ARHGAP15: variants seen among roughly 807,000 people sequenced by gnomAD.
The protein encoded by ARHGAP15 is Rho GTPase activating protein 15, also known as rho GTPase-activating protein 15.
In ARHGAP15, 51 loss-of-function variants were observed where a neutral mutation model predicts 63.7. The ratio of observed to expected loss-of-function variants is 0.80; its 90% CI spans 0.64 to 1.01. The LOEUF (loss-of-function observed/expected upper bound fraction) is 1.01. Among genes scored for constraint, ARHGAP15 ranks in the 50% least tolerant of loss-of-function variants. The pLI, the probability that ARHGAP15 is intolerant of heterozygous loss-of-function variation, is 0.00. For missense variants in ARHGAP15, 560 were observed against 564.6 expected (o/e 0.99, Z 0.08); for synonymous variants, 191 against 193.8 (o/e 0.99, Z 0.12).
intron 6 of ARHGAP15, among the ~76,000 whole-genome samples, chr2:143,405,065 A>C (rs1304204678): frequency 6.6e-6 from 1 of 151,922 alleles, no homozygotes; most frequent in Non-Finnish European, 1.5e-5. Context: ...TGAAAATAAT[A>C]GGTGAAAAAT....
At chr2:143,730,327 G>A (rs1056060079) in intron 13 of ARHGAP15, among the ~76,000 whole-genome samples, 13 of 152,140 alleles carry the variant, frequency 8.5e-5, no homozygotes, top group Non-Finnish European at 1.3e-4. Context: ...CACTGTAATC[G>A]TATGTCTCTT....
In ARHGAP15 at chr2:143,320,411, C is replaced by CGCCCCCCCCCG. The variant is rs1304524508; in HGVS notation, c.474+69811_474+69812insGCCCCCCCCCG. Among the ~76,000 whole-genome samples the CGCCCCCCCCCG allele has an allele frequency of 1.5e-3, 62 of 40,724 alleles. 1 individual carries two copies. Among genetic ancestry groups the CGCCCCCCCCCG allele is most frequent in the Non-Finnish European group, 1.8e-3 (31 of 16,766 alleles). The allele number at this position is 40,724 out of a possible 152,430, so 26.7% of individuals were successfully genotyped here. A position where few individuals can be genotyped will look rare whatever the true frequency, so the allele number is the denominator to read the frequency against. On this transcript the variant is annotated intron_variant, in intron 6 of 13. Transcript: ENST00000295095. The stretch of plus-strand genomic sequence containing the variant: ...TGCCACAAATCAGGACTTCCCCACC[C>CGCCCCCCCCCG]CCCCCCCCCCCAGAGATCCTATGAT...
intron 1 of ARHGAP15, among the ~76,000 whole-genome samples, chr2:143,146,301 G>C (rs1574007735): frequency 6.6e-6 from 1 of 151,914 alleles, no homozygotes; most frequent in Non-Finnish European, 1.5e-5. Context: ...ACAAGCAAAA[G>C]TATTGCACAG....
intron 2 of ARHGAP15, 100 bp from the exon 3 acceptor site, chr2:143,202,034 A>ACATG: frequency 1.1e-6 from 1 of 898,774 alleles, no homozygotes; most frequent in South Asian, 1.4e-5. Context: ...TACTTAATTC[A>ACATG]CATGCTTGAA....
intron 11 of ARHGAP15, among the ~76,000 whole-genome samples, chr2:143,617,703 G>A (rs997740812): frequency 6.6e-6 from 1 of 152,132 alleles, no homozygotes; most frequent in East Asian, 1.9e-4. Flanking sequence ...TAACAGGCAC[G>A]ATGCATATTT....
At chr2:143,424,217 G>A (rs912738635) in intron 6 of ARHGAP15, among the ~76,000 whole-genome samples, 10 of 152,020 alleles carry the variant, frequency 6.6e-5, no homozygotes, top group Admixed American at 5.9e-4. Flanking sequence ...AGATCTCCAA[G>A]GACAAAGTTG....
chr2:143,667,662 A>T (rs571417894), intron 12 of ARHGAP15, among the ~76,000 whole-genome samples: 1 of 152,112 alleles, frequency 6.6e-6, no homozygotes, highest in East Asian at 1.9e-4. Flanking sequence ...GCAATTTATC[A>T]TAATTTGTGA....
At chr2:143,137,241 A>G (rs1187557552) in intron 1 of ARHGAP15, among the ~76,000 whole-genome samples, 2 of 152,026 alleles carry the variant, frequency 1.3e-5, no homozygotes, top group Non-Finnish European at 2.9e-5. Context: ...TGTGTGGTCC[A>G]TGGGAGTATT....
chr2:143,677,860 A>C (rs1395804384), intron 12 of ARHGAP15, among the ~76,000 whole-genome samples: 1 of 152,212 alleles, frequency 6.6e-6, no homozygotes, highest in East Asian at 1.9e-4. Context: ...ACTGATACAC[A>C]ATAAAAGGCA....
intron 6 of ARHGAP15, among the ~76,000 whole-genome samples, chr2:143,327,534 G>T (rs988934715): frequency 1.3e-5 from 2 of 151,936 alleles, no homozygotes; most frequent in African/African-American, 4.8e-5. Context: ...GCTTGGTACT[G>T]GTACCAAAAC....
At chr2:143,469,843 A>G (rs925364863) in intron 8 of ARHGAP15, among the ~76,000 whole-genome samples, 6 of 152,200 alleles carry the variant, frequency 3.9e-5, no homozygotes, top group African/African-American at 1.4e-4. Context: ...AAAGTTATAT[A>G]TGTGCCCCAC....
At chr2:143,245,219 G>A (rs969149685) in intron 5 of ARHGAP15, among the ~76,000 whole-genome samples, 7 of 152,120 alleles carry the variant, frequency 4.6e-5, no homozygotes, top group Non-Finnish European at 1.0e-4. Flanking sequence ...GGCCTAGAAC[G>A]CTAAACCTGG....
intron 6 of ARHGAP15, among the ~76,000 whole-genome samples, chr2:143,368,692 T>A (rs189122007): frequency 3.3e-5 from 5 of 152,166 alleles, no homozygotes; most frequent in African/African-American, 1.2e-4. Flanking sequence ...CATTAAAAGG[T>A]TCAGTCAAGA....
At chr2:143,164,496 A>G (rs188230728) in intron 2 of ARHGAP15, among the ~76,000 whole-genome samples, 197 of 152,042 alleles carry the variant, frequency 1.3e-3, no homozygotes, top group African/African-American at 4.7e-3. Flanking sequence ...CACTGACAAT[A>G]GGTTTATTGG....
At position 143,376,464 on chromosome 2, in the gene ARHGAP15, G is replaced by A. The variant is rs1300064743; in HGVS notation, c.475-59137G>A. ...GCGTAAGGTTGGTGTAGAAAACGAA[G>A]CTTCCAAAATCAGGATCCGGACCAG... On this transcript the variant is annotated intron_variant, in intron 6 of 13. Coordinates refer to ENST00000295095, the MANE Select transcript of ARHGAP15 (RefSeq NM_018460.4). Among the ~76,000 whole-genome samples, 4 of 152,142 alleles carry A rather than the reference G, an allele frequency of 2.6e-5. No individual in the cohort carries two copies. In the East Asian group the frequency reaches 7.7e-4, roughly 29 times the overall value.
intron 6 of ARHGAP15, among the ~76,000 whole-genome samples, chr2:143,265,935 A>G (rs1326570862): frequency 6.6e-6 from 1 of 152,140 alleles, no homozygotes; most frequent in Admixed American, 6.5e-5. Flanking sequence ...AATAAAATAT[A>G]TTATTTCTAA....
At chr2:143,435,806 T>C in intron 7 of ARHGAP15, 107 bp downstream of exon 7, 1 of 1,114,034 alleles carries the variant, frequency 9.0e-7, no homozygotes. Context: ...TCCTATGGAC[T>C]GAGAGGGATT....
At chr2:143,339,992 G>A (rs906008163) in intron 6 of ARHGAP15, among the ~76,000 whole-genome samples, 5 of 151,952 alleles carry the variant, frequency 3.3e-5, no homozygotes, top group Non-Finnish European at 5.9e-5. Flanking sequence ...ATTTCTAAAC[G>A]TCTCAGACTC....
chr2:143,768,147 A>G lies in ARHGAP15; in HGVS notation c.1403A>G (p.Lys468Arg). 6.2e-7 allele frequency: 1 copy of G among 1,613,596 alleles called. No individual in the cohort carries two copies. Among genetic ancestry groups the G allele is most frequent in the Non-Finnish European group, 8.5e-7 (1 of 1,179,638 alleles). Reference sequence around the variant, plus strand: ...GAGCTCATGCTGAGTGAGTACAGTAAGATCTTCGGCTCAGAGGAAGACTGA... The same window carrying G: ...GAGCTCATGCTGAGTGAGTACAGTAGGATCTTCGGCTCAGAGGAAGACTGA... ...IAELMLSEYS[K>R]IFGSEED Residue 468 changes from lysine (K) to arginine (R), a missense_variant, in exon 14 of 14, where the codon AAG becomes AGG. Lys to Arg is a conservative substitution (Grantham distance 26, BLOSUM62 2). Transcript: ENST00000295095.
Sources: gnomAD v4.1 joint callset for allele counts (sites outside exome capture counted in the v4.1 genomes callset) on GRCh38, gnomAD v4.1.1 for gene constraint, MANE v1.5 for transcripts, NCBI Gene and HGNC (gene_info 2026-07-23, HGNC 2026-07-21) for gene names.